The following URI1 variants were observed in gnomAD, a reference collection of about 807,000 sequenced individuals.
URI1 encodes the protein URI1 prefoldin like chaperone.
URI1 carries 39 observed loss-of-function variants against 60.2 expected under a neutral mutation model. The observed-to-expected ratio is 0.65, with a 90% confidence interval of 0.50 to 0.85. The LOEUF (loss-of-function observed/expected upper bound fraction) is 0.85. Among genes scored for constraint, URI1 ranks in the 40% least tolerant of loss-of-function variants. The pLI is 0.00. For missense variants in URI1, 691 were observed against 665.9 expected, an observed-to-expected ratio of 1.04 and a Z score of -0.42; for synonymous variants, 251 against 236.8, an observed-to-expected ratio of 1.06 and a Z score of -0.55.
chr19:29,943,433 T>A (rs1024967696), intron 1 of URI1, among the ~76,000 whole-genome samples: 3 of 152,244 alleles, frequency 2.0e-5, no homozygotes, highest in African/African-American at 7.2e-5. Flanking sequence ...TCTTTCAGAT[T>A]GATTCTGTCC....
At chr19:29,976,140 G>C (rs1474851299) in intron 2 of URI1, among the ~76,000 whole-genome samples, 6 of 152,110 alleles carry the variant, frequency 3.9e-5, no homozygotes, top group Non-Finnish European at 8.8e-5. Context: ...CTACATGACT[G>C]AGAGTATAGC....
At chr19:29,951,773 C>G (rs1161751757) in intron 1 of URI1, among the ~76,000 whole-genome samples, 2 of 152,138 alleles carry the variant, frequency 1.3e-5, no homozygotes, top group Non-Finnish European at 2.9e-5. Context: ...GTCTCGATCT[C>G]CTGACCTCAG....
chr19:29,970,185 A>G (rs1244734382), intron 1 of URI1, among the ~76,000 whole-genome samples: 1 of 135,496 alleles, frequency 7.4e-6, no homozygotes, highest in Non-Finnish European at 1.5e-5. Flanking sequence ...AACATTGAGC[A>G]TATACAAGAG....
intron 2 of URI1, 56 bp downstream of exon 2, chr19:29,971,283 G>A (rs1438953835): frequency 2.6e-6 from 4 of 1,565,782 alleles, no homozygotes; most frequent in Non-Finnish European, 3.5e-6. Context: ...TAACCTACTT[G>A]TGTTCAAATA....
chr19:29,958,502 T>C (rs1419061027), intron 1 of URI1, among the ~76,000 whole-genome samples: 3 of 152,254 alleles, frequency 2.0e-5, no homozygotes, highest in African/African-American at 4.8e-5. Context: ...TTTAAAAATA[T>C]TCAAATGCCA....
intron 1 of URI1, among the ~76,000 whole-genome samples, chr19:29,970,128 ATTTTTTTTTT>A (rs199739403): frequency 1.1e-3 from 82 of 74,538 alleles, no homozygotes; most frequent in African/African-American, 2.5e-3. Flanking sequence ...AATCGTGTGT[ATTTTTTTTTT>A]TTTTTTTTTT....
At chr19:29,938,841 T>C (rs562041198), upstream of URI1, among the ~76,000 whole-genome samples, 2 of 151,766 alleles carry the variant, frequency 1.3e-5, no homozygotes, top group East Asian at 3.9e-4. Flanking sequence ...CACACCTGGC[T>C]AATTTTTTGT....
At chr19:30,005,107 A>G (rs1464805443) in intron 4 of URI1, among the ~76,000 whole-genome samples, 1 of 152,050 alleles carries the variant, frequency 6.6e-6, no homozygotes, top group Non-Finnish European at 1.5e-5. Context: ...AGCATCTACA[A>G]TCTAGTTCTG....
chr19:29,974,335 G>A (rs929235705), intron 2 of URI1, among the ~76,000 whole-genome samples: 5 of 151,688 alleles, frequency 3.3e-5, no homozygotes, highest in South Asian at 4.2e-4. Context: ...GTAAATATTC[G>A]TGAATATTTA....
intron 2 of URI1, among the ~76,000 whole-genome samples, chr19:29,984,880 A>G (rs2055643448): frequency 6.6e-6 from 1 of 151,938 alleles, no homozygotes; most frequent in Non-Finnish European, 1.5e-5. Flanking sequence ...CTAGCACTTC[A>G]GGAGGCTGAA....
intron 4 of URI1, among the ~76,000 whole-genome samples, chr19:29,999,411 C>A (rs1483124): frequency 0.8 from 122,110 of 152,028 alleles, 50,488 homozygotes; most frequent in Non-Finnish European, 0.9. Flanking sequence ...AATTTCCCCT[C>A]ATTTTTAAAA....
chr19:30,011,208 A>G lies in URI1; in HGVS notation c.1150A>G (p.Thr384Ala). ...TGGCCACTCTGCCCAGGAGCTGCCGACCATCAGGACGCCTGCAGACATTTA... is the reference window on the plus strand; with the variant it reads ...TGGCCACTCTGCCCAGGAGCTGCCGGCCATCAGGACGCCTGCAGACATTTA... ...GSGHSAQELP[T>A]IRTPADIYRA... The change falls in exon 9 of 11, where the codon ACC (threonine) becomes GCC (alanine). Residue 384 changes from threonine (T) to alanine (A), a missense_variant. By Grantham distance (58) the Thr-to-Ala change is moderately conservative. Transcript: ENST00000392271. 1 of 1,610,028 alleles carries G rather than the reference A, an allele frequency of 6.2e-7. No homozygotes were observed. Among genetic ancestry groups the G allele is most frequent in the Non-Finnish European group, 8.5e-7 (1 of 1,178,576 alleles).
At chr19:29,945,248 G>C (rs1599659570) in intron 1 of URI1, among the ~76,000 whole-genome samples, 1 of 152,218 alleles carries the variant, frequency 6.6e-6, no homozygotes, top group East Asian at 1.9e-4. Flanking sequence ...TAGGCTTAGG[G>C]CATAATCTTC....
intron 1 of URI1, among the ~76,000 whole-genome samples, chr19:29,967,506 A>T (rs1406588259): frequency 6.6e-6 from 1 of 152,220 alleles, no homozygotes; most frequent in Non-Finnish European, 1.5e-5. Flanking sequence ...TGTAGGAGGC[A>T]TTGGAAGAAA....
intron 1 of URI1, among the ~76,000 whole-genome samples, chr19:29,969,129 T>C (rs1162844466): frequency 6.6e-6 from 1 of 152,182 alleles, no homozygotes; most frequent in Non-Finnish European, 1.5e-5. Context: ...GGATAGTGCT[T>C]ATTTGAAGTC....
At chr19:29,985,428 T>A in intron 3 of URI1, 127 bp downstream of exon 3, 1 of 662,890 alleles carries the variant, frequency 1.5e-6, no homozygotes, top group Non-Finnish European at 2.4e-6. Flanking sequence ...GAAGATTTGT[T>A]TTGTTTTACT....
At chr19:30,005,628 C>CT (rs558248071) in intron 5 of URI1, 23 bp from the exon 6 acceptor site, 674 of 1,578,720 alleles carry the variant, frequency 4.3e-4, no homozygotes, top group East Asian at 3.3e-3. Context: ...TGTTAATACG[C>CT]TTTTTTTTTG....
At chr19:29,927,968 A>G (rs1300642256) in intron 1 of URI1, among the ~76,000 whole-genome samples, 1 of 152,020 alleles carries the variant, frequency 6.6e-6, no homozygotes, top group East Asian at 1.9e-4. Flanking sequence ...ACTCCAGGCT[A>G]GATTAGAAAA....
intron 1 of URI1, among the ~76,000 whole-genome samples, chr19:29,952,516 T>C (rs1396296665): frequency 6.6e-6 from 1 of 152,164 alleles, no homozygotes; most frequent in Non-Finnish European, 1.5e-5. Context: ...ATTGGCATGG[T>C]TTCTTCTAGG....
Sources: gnomAD v4.1 joint callset for allele counts (sites outside exome capture counted in the v4.1 genomes callset) on GRCh38, gnomAD v4.1.1 for gene constraint, MANE v1.5 for transcripts, NCBI Gene and HGNC (gene_info 2026-07-23, HGNC 2026-07-21) for gene names.